Variants in DDAH2 observed in about 807,000 individuals in gnomAD.
DDAH2 encodes DDAH family member 2, ADMA-independent, also known as putative hydrolase DDAH2.
DDAH2 carries 8 observed loss-of-function variants against 24.8 expected under a neutral mutation model. That is an observed-to-expected ratio of 0.32 (90% CI 0.19 to 0.58). The LOEUF (loss-of-function observed/expected upper bound fraction) is 0.58, where lower values mean the gene tolerates loss of function less well. Among genes scored for constraint, DDAH2 ranks in the 20% least tolerant of loss-of-function variants. The pLI, the probability that DDAH2 is intolerant of heterozygous loss-of-function variation, is 0.87. For missense variants in DDAH2, 281 were observed against 379.0 expected (o/e 0.74, Z 2.15); for synonymous variants, 151 against 166.1 (o/e 0.91, Z 0.70).
chr6:31,729,112 CG>C lies in DDAH2; in HGVS notation c.49del (p.Arg17GlyfsTer36). 6.2e-7 allele frequency: 1 copy of C among 1,612,916 alleles called. No homozygotes were observed. The highest frequency in any genetic ancestry group is 8.5e-7 in the Non-Finnish European group (1 of 1,179,934). The stretch of plus-strand genomic sequence containing the variant: ...CGACGCCAGGCTCTCTGGGACTCCC[CG>C]GATCAGGGCATGGGAGCAGCGGCCC... ...GLGRCSHALI[R>X]GVPESLASGE... On this transcript the variant is annotated frameshift_variant, in exon 1 of 6. Coordinates refer to ENST00000375789, the MANE Select transcript of DDAH2 (RefSeq NM_001303007.2). LOFTEE classifies it high-confidence loss of function. This position sits in a 1 kb window ranked among gnomAD's most constrained non-coding sequence, Gnocchi z 6.7.
Position 31,728,361 on chromosome 6 carries a change from C to T in DDAH2, c.472-69G>A. The T allele has an allele frequency of 1.2e-6, 2 of 1,608,858 alleles. No homozygotes were observed. The highest frequency in any genetic ancestry group is 1.7e-6 in the Non-Finnish European group (2 of 1,177,234). ...ATGGGGTATCTTCAAACATAGGCTG[C>T]TCTCTGCCTCTCATTTCCTCAGCGG... On this transcript the variant is annotated intron_variant, in intron 3 of 5. Coordinates refer to ENST00000375789, the MANE Select transcript of DDAH2 (RefSeq NM_001303007.2). The surrounding 1 kb of genome is among the most constrained non-coding windows in gnomAD (Gnocchi z 9.8).
chr6:31,729,807 C>G (rs1440122484), upstream of DDAH2: 1 of 152,372 alleles, frequency 6.6e-6, no homozygotes, highest in East Asian at 1.9e-4. This position sits in a 1 kb window ranked among gnomAD's most constrained non-coding sequence, Gnocchi z 6.7. Context: ...CAGACCGAGT[C>G]CCGAAGGACT....
Position 31,728,892 on chromosome 6 carries a change from C to T in DDAH2, c.270G>A (p.Arg90=), listed in dbSNP as rs1222611066. ...VIQGDTALIT[R]PWSPARRPEV... ...CTGGCCTACGAGCGGGGCTCCAGGGCCGCGTGATTAGGGCCGTGTCCCCTT... is the reference window on the plus strand; with the variant it reads ...CTGGCCTACGAGCGGGGCTCCAGGGTCGCGTGATTAGGGCCGTGTCCCCTT... Residue 90 remains arginine (R), a synonymous_variant, in exon 1 of 6, where the codon CGG becomes CGA. Coordinates refer to ENST00000375789, the MANE Select transcript of DDAH2 (RefSeq NM_001303007.2). The surrounding 1 kb of genome is among the most constrained non-coding windows in gnomAD (Gnocchi z 9.8). 2.5e-6 allele frequency: 4 copies of T among 1,612,980 alleles called. No homozygotes were observed. The highest frequency in any genetic ancestry group is 3.4e-6 in the Non-Finnish European group (4 of 1,179,994).
Position 31,727,386 on chromosome 6 carries a change from G to A in DDAH2, c.742-33C>T, listed in dbSNP as rs1218276787. 8 of 1,598,744 alleles carry A rather than the reference G, an allele frequency of 5.0e-6. No individual in the cohort carries two copies. The highest frequency in any genetic ancestry group is 6.8e-6 in the Non-Finnish European group (8 of 1,168,316). Reference sequence around the variant, plus strand: ...GGGAAGACATGGAGTGGGGAGAGGGGAGTGAGACCTCAGGCTGAGCCAGGC... The same window carrying A: ...GGGAAGACATGGAGTGGGGAGAGGGAAGTGAGACCTCAGGCTGAGCCAGGC... On this transcript the variant is annotated intron_variant, in intron 5 of 5. Coordinates refer to ENST00000375789, the MANE Select transcript of DDAH2 (RefSeq NM_001303007.2). The surrounding 1 kb of genome is among the most constrained non-coding windows in gnomAD (Gnocchi z 6.0).
In DDAH2 at chr6:31,727,815, G is replaced by A. The variant is rs1042622894; in HGVS notation, c.592-123C>T. On this transcript the variant is annotated intron_variant, in intron 4 of 5. Coordinates refer to ENST00000375789, the MANE Select transcript of DDAH2 (RefSeq NM_001303007.2). The surrounding 1 kb of genome is among the most constrained non-coding windows in gnomAD (Gnocchi z 6.0). ...GGAAAATAATGACAGCAAGCACATA[G>A]AGCTTACGATATGTCAGACACTAAG... 4 of 1,105,520 alleles carry A rather than the reference G, an allele frequency of 3.6e-6. No homozygotes were observed. The African/African-American group carries it at 4.7e-5, about 13-fold the overall frequency. 68.5% of individuals were successfully genotyped at this position (1,105,520 alleles called of 1,614,324 possible).
rs745473395 is a variant in DDAH2 at position 31,728,893 on chromosome 6, C to T, written c.269G>A (p.Arg90Gln). Residue 90 changes from arginine (R) to glutamine (Q), a missense_variant, in exon 1 of 6, where the codon CGG becomes CAG. Physicochemically the swap from Arg to Gln is conservative, Grantham distance 43. Coordinates refer to ENST00000375789, the MANE Select transcript of DDAH2 (RefSeq NM_001303007.2). This position sits in a 1 kb window ranked among gnomAD's most constrained non-coding sequence, Gnocchi z 9.8. ...VIQGDTALIT[R>Q]PWSPARRPEV... ...TGGCCTACGAGCGGGGCTCCAGGGC[C>T]GCGTGATTAGGGCCGTGTCCCCTTG... is the stretch of plus-strand genomic sequence containing the variant. 1.2e-5 allele frequency: 19 copies of T among 1,612,880 alleles called. No individual in the cohort carries two copies. The highest frequency in any genetic ancestry group is 3.3e-5 in the South Asian group (3 of 91,086).
Position 31,728,458 on chromosome 6 carries a change from G to A in DDAH2, c.464C>T (p.Thr155Met), listed in dbSNP as rs150832184. The change falls in exon 3 of 6, where the codon ACG (threonine) becomes ATG (methionine). Residue 155 changes from threonine (T) to methionine (M), a missense_variant. Thr to Met is a moderately conservative substitution (Grantham distance 81, BLOSUM62 -1). Coordinates refer to ENST00000375789, the MANE Select transcript of DDAH2 (RefSeq NM_001303007.2). This position sits in a 1 kb window ranked among gnomAD's most constrained non-coding sequence, Gnocchi z 9.8. ...GCTGGTCCCGCTCCGCACCCGGAAC[G>A]TGTCCGCCACGATCTCAGCTCCTCG... The part of the protein sequence containing the change: ...NHRGAEIVAD[T>M]FRDFAVSTVP... The A allele has an allele frequency of 2.8e-4, 444 of 1,612,402 alleles. 1 individual carries two copies. Among genetic ancestry groups the A allele is most frequent in the Non-Finnish European group, 3.5e-4 (411 of 1,179,910 alleles).
chr6:31,728,680 G>A lies in DDAH2; in HGVS notation c.363C>T (p.Asn121=), dbSNP rs1349351913. ...GAACGTCAGTGCCATCCAGCGTCGCGTTCTCGTCTCCTATTTCCACAATTC... is the reference window on the plus strand; with the variant it reads ...GAACGTCAGTGCCATCCAGCGTCGCATTCTCGTCTCCTATTTCCACAATTC... ...GLRIVEIGDE[N]ATLDGTDVLF... is the part of the protein sequence containing the mutation. Residue 121 remains asparagine, a synonymous_variant, in exon 2 of 6, where the codon AAC becomes AAT. Transcript: ENST00000375789. This position sits in a 1 kb window ranked among gnomAD's most constrained non-coding sequence, Gnocchi z 9.8. 6.2e-7 allele frequency: 1 copy of A among 1,613,026 alleles called. No individual in the cohort carries two copies. Among genetic ancestry groups the A allele is most frequent in the Non-Finnish European group, 8.5e-7 (1 of 1,180,022 alleles).
Position 31,728,114 on chromosome 6 carries a change from C to G in DDAH2, c.591+59G>C. On this transcript the variant is annotated intron_variant, in intron 4 of 5. Transcript: ENST00000375789. This position sits in a 1 kb window ranked among gnomAD's most constrained non-coding sequence, Gnocchi z 9.8. ...AGGGCTAATTTCCTAAGCCTCCCAG[C>G]TCCCGGCCTCCCGGGCCCAGAACTG... 1 of 1,592,438 alleles carries G rather than the reference C, an allele frequency of 6.3e-7. No individual in the cohort carries two copies. Among genetic ancestry groups the G allele is most frequent in the South Asian group, 1.1e-5 (1 of 89,750 alleles).
chr6:31,729,289 T>C lies in DDAH2; in HGVS notation c.-128A>G, dbSNP rs1466293192. 9.6e-6 allele frequency: 8 copies of C among 831,116 alleles called. No individual in the cohort carries two copies. The highest frequency in any genetic ancestry group is 2.7e-5 in the Admixed American group (1 of 37,642). 51.5% of individuals were successfully genotyped at this position (831,116 alleles called of 1,614,324 possible). A position where few individuals can be genotyped will look rare whatever the true frequency, so the allele number is the denominator to read the frequency against. ...GACATGCAGACAAGGGCGTTGGGGG[T>C]GGTTAAGAGCGCCCAGGTCTTCCTC... On this transcript the variant is annotated 5_prime_UTR_variant, in exon 1 of 6. Coordinates refer to ENST00000375789, the MANE Select transcript of DDAH2 (RefSeq NM_001303007.2). This position sits in a 1 kb window ranked among gnomAD's most constrained non-coding sequence, Gnocchi z 6.7.
In DDAH2 at chr6:31,727,568, C is replaced by T. The variant is rs748083507; in HGVS notation, c.716G>A (p.Gly239Asp). ...GVPPFLLHRG[G>D]GDLPNSQEAL... ...CTCCTGGCTGTTGGGCAGATCCCCA[C>T]CTCCACGGTGCAGGAGGAAAGGGGG... Residue 239 changes from glycine to aspartate, a missense_variant, in exon 5 of 6, where the codon GGT becomes GAT. Coordinates refer to ENST00000375789, the MANE Select transcript of DDAH2 (RefSeq NM_001303007.2). This position sits in a 1 kb window ranked among gnomAD's most constrained non-coding sequence, Gnocchi z 6.0. 1.5e-5 allele frequency: 24 copies of T among 1,612,982 alleles called. No individual in the cohort carries two copies. The highest frequency in any genetic ancestry group is 2.0e-5 in the Non-Finnish European group (24 of 1,180,030).
In DDAH2 at chr6:31,728,816, C is replaced by T; in HGVS notation, c.297+49G>A. The T allele has an allele frequency of 1.2e-6, 2 of 1,610,972 alleles. No individual in the cohort carries two copies. Among genetic ancestry groups the T allele is most frequent in the East Asian group, 2.2e-5 (1 of 44,878 alleles). Reference sequence around the variant, plus strand: ...CAATTCTTCCCCAAAGCCCCGACATCCAGTTCCTTCTGCCTTTCCCCATAC... The same window carrying T: ...CAATTCTTCCCCAAAGCCCCGACATTCAGTTCCTTCTGCCTTTCCCCATAC... On this transcript the variant is annotated intron_variant, in intron 1 of 5. Transcript: ENST00000375789. The surrounding 1 kb of genome is among the most constrained non-coding windows in gnomAD (Gnocchi z 9.8).
At position 31,727,227 on chromosome 6, in the gene DDAH2, G is replaced by A. The variant is rs541654362; in HGVS notation, c.*10C>T. 4 of 1,607,978 alleles carry A rather than the reference G, an allele frequency of 2.5e-6. No individual in the cohort carries two copies. Among genetic ancestry groups the A allele is most frequent in the Non-Finnish European group, 3.4e-6 (4 of 1,175,684 alleles). On this transcript the variant is annotated 3_prime_UTR_variant, in exon 6 of 6. Coordinates refer to ENST00000375789, the MANE Select transcript of DDAH2 (RefSeq NM_001303007.2). This position sits in a 1 kb window ranked among gnomAD's most constrained non-coding sequence, Gnocchi z 6.0. ...CTACCCCTGGCCAGCAGTACCCCAA[G>A]GCCAGGCCCTCAGCTGTGGGGGCGT... is the stretch of plus-strand genomic sequence containing the variant.
rs771987270 is a variant in DDAH2 at position 31,727,635 on chromosome 6, C to A, written c.649G>T (p.Ala217Ser). The change falls in exon 5 of 6, where the codon GCT (alanine) becomes TCT (serine). Residue 217 changes from alanine (A) to serine (S), a missense_variant. Physicochemically the swap from Ala to Ser is moderately conservative, Grantham distance 99. Transcript: ENST00000375789. The surrounding 1 kb of genome is among the most constrained non-coding windows in gnomAD (Gnocchi z 6.0). The part of the protein sequence containing the change: ...YASLTLPDDA[A>S]ADCLFLRPGL... Reference sequence around the variant, plus strand: ...GGACGAAGAAAGAGACAGTCAGCAGCTGCGTCATCTGGGAGGGTCAGGGAG... The same window carrying A: ...GGACGAAGAAAGAGACAGTCAGCAGATGCGTCATCTGGGAGGGTCAGGGAG... 2 of 1,612,878 alleles carry A rather than the reference C, an allele frequency of 1.2e-6. No homozygotes were observed. The highest frequency in any genetic ancestry group is 2.2e-5 in the South Asian group (2 of 91,064).
Position 31,728,457 on chromosome 6 carries a change from C to G in DDAH2, c.465G>C (p.Thr155=). 1 of 1,612,810 alleles carries G rather than the reference C, an allele frequency of 6.2e-7. No homozygotes were observed. The highest frequency in any genetic ancestry group is 8.5e-7 in the Non-Finnish European group (1 of 1,179,970). Residue 155 remains threonine, a synonymous_variant, in exon 3 of 6, where the codon ACG becomes ACC. Transcript: ENST00000375789. This position sits in a 1 kb window ranked among gnomAD's most constrained non-coding sequence, Gnocchi z 9.8. ...GGCTGGTCCCGCTCCGCACCCGGAA[C>G]GTGTCCGCCACGATCTCAGCTCCTC... ...NHRGAEIVAD[T]FRDFAVSTVP...
Position 31,728,952 on chromosome 6 carries a change from C to A in DDAH2, c.210G>T (p.Pro70=), listed in dbSNP as rs1662666529. 1 of 1,613,124 alleles carries A rather than the reference C, an allele frequency of 6.2e-7. No homozygotes were observed. The highest frequency in any genetic ancestry group is 8.5e-7 in the Non-Finnish European group (1 of 1,180,026). Residue 70 remains proline (P), a synonymous_variant, in exon 1 of 6, where the codon CCG becomes CCT. Transcript: ENST00000375789. The surrounding 1 kb of genome is among the most constrained non-coding windows in gnomAD (Gnocchi z 9.8). ...LLELPPEESL[P]LGPLLGDTAV... ...CCGTGTCGCCAAGCAGCGGTCCCAG[C>A]GGCAATGACTCCTCAGGTGGCAGTT...
upstream of DDAH2, chr6:31,729,917 T>TG (rs1462026144): frequency 1.3e-5 from 2 of 152,254 alleles, no homozygotes; most frequent in Non-Finnish European, 2.9e-5. This position sits in a 1 kb window ranked among gnomAD's most constrained non-coding sequence, Gnocchi z 6.7. Context: ...TCCCCGTCTA[T>TG]GTCCCAAAGT....
Position 31,727,673 on chromosome 6 carries a change from T to C in DDAH2, c.611A>G (p.Asp204Gly). The C allele has an allele frequency of 1.9e-6, 3 of 1,608,792 alleles. No individual in the cohort carries two copies. The highest frequency in any genetic ancestry group is 2.5e-6 in the Non-Finnish European group (3 of 1,177,688). Residue 204 changes from aspartate (D) to glycine (G), a missense_variant, in exon 5 of 6, where the codon GAT (aspartate) becomes GGT (glycine). Transcript: ENST00000375789. This position sits in a 1 kb window ranked among gnomAD's most constrained non-coding sequence, Gnocchi z 6.0. ...KAVRAMAVLT[D>G]HPYASLTLPD... ...GAGGGTCAGGGAGGCATATGGGTGA[T>C]CTGTCAGCACTGCCATTGCCTAGAG...
chr6:31,727,279 G>A lies in DDAH2; in HGVS notation c.816C>T (p.Leu272=), dbSNP rs1258841323. 6.2e-7 allele frequency: 1 copy of A among 1,613,098 alleles called. No homozygotes were observed. The highest frequency in any genetic ancestry group is 1.1e-5 in the South Asian group (1 of 91,088). Residue 272 remains leucine, a synonymous_variant, in exon 6 of 6, where the codon CTC becomes CTT. Coordinates refer to ENST00000375789, the MANE Select transcript of DDAH2 (RefSeq NM_001303007.2). This position sits in a 1 kb window ranked among gnomAD's most constrained non-coding sequence, Gnocchi z 6.0. ...CSELEKAGAG[L]SSLCLVLSTR... The stretch of plus-strand genomic sequence containing the variant: ...TGCTGAGCACCAAGCAGAGGGAGCT[G>A]AGCCCGGCGCCAGCCTTCTCCAGTT...
Sources: gnomAD v4.1 joint callset for allele counts on GRCh38, gnomAD v4.1.1 for gene constraint, Gnocchi (gnomAD v3.1) non-coding constraint, MANE v1.5 for transcripts, NCBI Gene and HGNC (gene_info 2026-07-23, HGNC 2026-07-21) for gene names.